TRAF5: variants seen among roughly 807,000 people sequenced by gnomAD.
TRAF5 encodes TNF receptor-associated factor 5.
A neutral mutation model predicts 64.5 loss-of-function variants in TRAF5; 48 were observed. That is an observed-to-expected ratio of 0.74 (90% confidence interval 0.59 to 0.95). The LOEUF (loss-of-function observed/expected upper bound fraction) is 0.95, where lower values mean the gene tolerates loss of function less well. TRAF5 is among the 40% of genes least tolerant of loss of function. The pLI, the probability that TRAF5 is intolerant of heterozygous loss-of-function variation, is 0.00. For synonymous variants in TRAF5, 206 were observed against 240.5 expected, an observed-to-expected ratio of 0.86 and a Z score of 1.33; for missense variants, 545 against 662.8, an observed-to-expected ratio of 0.82 and a Z score of 1.95.
intron 1 of TRAF5, 100 bp from the exon 2 acceptor site, chr1:211,353,139 T>G: frequency 8.7e-7 from 1 of 1,145,254 alleles, no homozygotes; most frequent in Non-Finnish European, 1.3e-6. Context: ...ATGTGAATGA[T>G]GTACACTAAT....
intron 1 of TRAF5, 66 bp from the exon 2 acceptor site, chr1:211,353,173 C>G (rs112168805): frequency 1.4e-6 from 2 of 1,438,514 alleles, no homozygotes; most frequent in African/African-American, 1.4e-5. Flanking sequence ...ACCAAAGCAT[C>G]TGATGGCTGT....
At position 211,356,372 on chromosome 1, in the gene TRAF5, T is replaced by C. The variant is rs1702965494; in HGVS notation, c.282T>C (p.Phe94=). Residue 94 remains phenylalanine, a synonymous_variant, in exon 4 of 11, where the codon TTT becomes TTC. Transcript: ENST00000261464. The stretch of plus-strand genomic sequence containing the variant: ...CTATTATGTTTATCTTTTAGGTTTT[T>C]AAAGACAATTGTTGCAAAAGAGAAG... ...DKEVIKSQEV[F]KDNCCKREVL... 3 of 1,613,420 alleles carry C rather than the reference T, an allele frequency of 1.9e-6. No homozygotes were observed. The highest frequency in any genetic ancestry group is 2.5e-6 in the Non-Finnish European group (3 of 1,179,406).
intron 3 of TRAF5, 28 bp from the exon 4 acceptor site, chr1:211,356,339 T>A: frequency 1.9e-6 from 3 of 1,586,420 alleles, no homozygotes; most frequent in Non-Finnish European, 2.6e-6. Flanking sequence ...CTTTGAAGTG[T>A]GTGAGACCTA....
At position 211,372,831 on chromosome 1, in the gene TRAF5, A is replaced by G. The variant is rs1468968835; in HGVS notation, c.*129A>G. On this transcript the variant is annotated 3_prime_UTR_variant, in exon 11 of 11. Coordinates refer to ENST00000261464, the MANE Select transcript of TRAF5 (RefSeq NM_001033910.3). ...ATTTGCCTTTTTCCTTAACGTTTGA[A>G]GTCAGTTTAAAACTTCTGAAGTGCT... is the stretch of plus-strand genomic sequence containing the variant. 3 of 849,506 alleles carry G rather than the reference A, an allele frequency of 3.5e-6. No homozygotes were observed. Among genetic ancestry groups the G allele is most frequent in the Admixed American group, 2.9e-5 (1 of 34,992 alleles). The allele number at this position is 849,506 out of a possible 1,614,324, so 52.6% of individuals were successfully genotyped here.
chr1:211,327,599 C>A (rs75917098), intron 1 of TRAF5, among the ~76,000 whole-genome samples: 5,078 of 152,184 alleles, frequency 0.033, 274 homozygotes, highest in African/African-American at 0.12. Context: ...TGTTCCTGTT[C>A]TGCAGGGTCT....
At chr1:211,344,466 G>A (rs1702534471) in intron 1 of TRAF5, among the ~76,000 whole-genome samples, 1 of 152,224 alleles carries the variant, frequency 6.6e-6, no homozygotes. Context: ...CAGTGCGTCG[G>A]TGGACTGTGG....
chr1:211,353,629 T>C, intron 2 of TRAF5, 172 bp downstream of exon 2: 1 of 653,066 alleles, frequency 1.5e-6, no homozygotes, highest in Non-Finnish European at 2.6e-6. Context: ...AGAATAATCA[T>C]TTTTTGGTCA....
chr1:211,331,268 G>A (rs573925635), intron 1 of TRAF5, among the ~76,000 whole-genome samples: 23 of 152,268 alleles, frequency 1.5e-4, no homozygotes, highest in African/African-American at 5.1e-4. Context: ...TTAATACATA[G>A]CCTAGTCAAA....
At chr1:211,351,034 T>C (rs996356302) in intron 1 of TRAF5, among the ~76,000 whole-genome samples, 16 of 144,680 alleles carry the variant, frequency 1.1e-4, no homozygotes, top group African/African-American at 3.6e-4. Context: ...GCCTCTTCTT[T>C]TTTTTTTTTT....
At chr1:211,353,131 G>A in intron 1 of TRAF5, 108 bp from the exon 2 acceptor site, 8 of 1,090,572 alleles carry the variant, frequency 7.3e-6, no homozygotes, top group Non-Finnish European at 1.1e-5. Context: ...GAATGACCAT[G>A]TGAATGATGT....
intron 9 of TRAF5, among the ~76,000 whole-genome samples, chr1:211,370,641 T>C (rs1456766807): frequency 6.6e-6 from 1 of 152,204 alleles, no homozygotes; most frequent in Admixed American, 6.5e-5. Flanking sequence ...ACACTTACAT[T>C]AGCCTACAGT....
chr1:211,348,904 G>GTGTT (rs1019934978), intron 1 of TRAF5, among the ~76,000 whole-genome samples: 2 of 151,876 alleles, frequency 1.3e-5, no homozygotes, highest in African/African-American at 4.8e-5. Flanking sequence ...AGTTTTAAGA[G>GTGTT]TGTTATCTTA....
At chr1:211,358,467 ACT>A (rs1232483463) in intron 4 of TRAF5, 1 of 137,154 alleles carries the variant, frequency 7.3e-6, no homozygotes, top group African/African-American at 2.7e-5. Context: ...ACGGTGCGAG[ACT>A]CTGTCTAAAA....
chr1:211,337,048 G>A (rs1702319325), intron 1 of TRAF5, among the ~76,000 whole-genome samples: 1 of 152,274 alleles, frequency 6.6e-6, no homozygotes, highest in African/African-American at 2.4e-5. Flanking sequence ...ACTGTTTTAT[G>A]TGTTGGGACT....
chr1:211,371,615 G>C, intron 10 of TRAF5, 145 bp downstream of exon 10: 1 of 921,900 alleles, frequency 1.1e-6, no homozygotes, highest in Non-Finnish European at 1.6e-6. Context: ...AGAATGGTAA[G>C]ATTCTGGCCA....
intron 5 of TRAF5, 180 bp from the exon 6 acceptor site, chr1:211,360,522 A>AT: frequency 1.8e-6 from 1 of 545,530 alleles, no homozygotes. Context: ...AAAATTTAAT[A>AT]TTTTAATTAA....
intron 10 of TRAF5, 150 bp downstream of exon 10, chr1:211,371,620 T>G (rs1703525490): frequency 2.2e-6 from 2 of 899,532 alleles, no homozygotes; most frequent in African/African-American, 3.6e-5. Context: ...GGTAAGATTC[T>G]GGCCACTCAG....
At chr1:211,360,818 A>G (rs1291255627) in intron 6 of TRAF5, 39 bp downstream of exon 6, 1 of 1,567,220 alleles carries the variant, frequency 6.4e-7, no homozygotes, top group Non-Finnish European at 8.8e-7. Context: ...TTTATGGAAG[A>G]TAACGTTTTA....
chr1:211,336,642 A>G (rs188262839), intron 1 of TRAF5, among the ~76,000 whole-genome samples: 93 of 152,308 alleles, frequency 6.1e-4, no homozygotes, highest in African/African-American at 2.2e-3. Context: ...TGTCATGTGC[A>G]CTGTTTTGTT....
Sources: gnomAD v4.1 joint callset for allele counts (sites outside exome capture counted in the v4.1 genomes callset) on GRCh38, gnomAD v4.1.1 for gene constraint, MANE v1.5 for transcripts, NCBI Gene and HGNC (gene_info 2026-07-23, HGNC 2026-07-21) for gene names.